Variants in CYP7B1 observed in about 807,000 individuals in gnomAD.
CYP7B1 encodes cytochrome P450 family 7 subfamily B member 1, also known as cytochrome P450 7B1.
CYP7B1 carries 29 observed loss-of-function variants against 42.7 expected under a neutral mutation model. The observed-to-expected ratio is 0.68, with a 90% CI of 0.51 to 0.93. The LOEUF is 0.93. Among genes scored for constraint, CYP7B1 ranks in the 40% least tolerant of loss-of-function variants. CYP7B1 has a pLI of 0.00. For missense variants in CYP7B1, 655 were observed against 600.5 expected (o/e 1.09, Z -0.95); for synonymous variants, 235 against 218.2 (o/e 1.08, Z -0.68).
intron 1 of CYP7B1, among the ~76,000 whole-genome samples, chr8:64,668,461 C>A (rs1233752743): frequency 2.6e-5 from 4 of 152,082 alleles, no homozygotes; most frequent in Middle Eastern, 3.4e-3. Context: ...GTTTAAACTG[C>A]ATTTTTGGTT....
intron 1 of CYP7B1, among the ~76,000 whole-genome samples, chr8:64,793,833 A>G (rs951530893): frequency 6.6e-6 from 1 of 152,156 alleles, no homozygotes; most frequent in African/African-American, 2.4e-5. Context: ...CAAAGAAAAG[A>G]AAAACCATCC....
chr8:64,736,417 C>T (rs1039097382), intron 1 of CYP7B1, among the ~76,000 whole-genome samples: 2 of 152,142 alleles, frequency 1.3e-5, no homozygotes, highest in Non-Finnish European at 2.9e-5. Flanking sequence ...CAAATATCTT[C>T]GCTTTAGTCA....
chr8:64,698,344 AAAACT>A (rs1443302249), intron 1 of CYP7B1, among the ~76,000 whole-genome samples: 1 of 152,098 alleles, frequency 6.6e-6, no homozygotes, highest in African/African-American at 2.4e-5. Context: ...GGGGGGGAAA[AAAACT>A]AAACTACGGA....
intron 1 of CYP7B1, among the ~76,000 whole-genome samples, chr8:64,671,357 C>A (rs1288310641): frequency 6.6e-6 from 1 of 151,866 alleles, no homozygotes; most frequent in African/African-American, 2.4e-5. Context: ...CCTCATATTT[C>A]TCATGTAATC....
At chr8:64,641,632 A>G (rs1356903484) in intron 1 of CYP7B1, among the ~76,000 whole-genome samples, 1 of 152,202 alleles carries the variant, frequency 6.6e-6, no homozygotes, top group African/African-American at 2.4e-5. Flanking sequence ...TTTTAAGGAA[A>G]CATCTGATAC....
At chr8:64,772,040 T>C (rs1233179582) in intron 1 of CYP7B1, among the ~76,000 whole-genome samples, 1 of 152,214 alleles carries the variant, frequency 6.6e-6, no homozygotes, top group Non-Finnish European at 1.5e-5. Flanking sequence ...GTCACTCTCA[T>C]AAGATGACCT....
At chr8:64,718,597 G>T (rs1807191643) in intron 1 of CYP7B1, among the ~76,000 whole-genome samples, 2 of 152,194 alleles carry the variant, frequency 1.3e-5, no homozygotes, top group African/African-American at 2.4e-5. Context: ...TCCTTCTTGG[G>T]TCTATCCCCC....
chr8:64,765,113 T>C (rs1807951870), intron 1 of CYP7B1, among the ~76,000 whole-genome samples: 1 of 152,028 alleles, frequency 6.6e-6, no homozygotes, highest in Non-Finnish European at 1.5e-5. Flanking sequence ...TTAAAGTATT[T>C]GCAGGATGAA....
rs1400933859 is a variant in CYP7B1 at position 64,594,801 on chromosome 8, G to A, written c.*1841C>T. The stretch of plus-strand genomic sequence containing the variant: ...GTAAGTTAGAGATACAAAGTGTGGT[G>A]AGAAAAGATCAAAGGATGTATGTAG... On this transcript the variant is annotated 3_prime_UTR_variant, in exon 6 of 6. Transcript: ENST00000310193. 6.6e-6 allele frequency among the ~76,000 whole-genome samples: 1 copy of A among 152,222 alleles called. No individual in the cohort carries two copies. Among genetic ancestry groups the A allele is most frequent in the African/African-American group, 2.4e-5 (1 of 41,468 alleles).
At chr8:64,719,374 T>C (rs1267191383) in intron 1 of CYP7B1, among the ~76,000 whole-genome samples, 1 of 152,228 alleles carries the variant, frequency 6.6e-6, no homozygotes, top group Non-Finnish European at 1.5e-5. Flanking sequence ...TCATGTATTA[T>C]TAAGTTAATT....
At chr8:64,653,361 A>G (rs985557974) in intron 1 of CYP7B1, among the ~76,000 whole-genome samples, 2 of 152,242 alleles carry the variant, frequency 1.3e-5, no homozygotes, top group South Asian at 4.1e-4. Flanking sequence ...ATCAGAAGCT[A>G]TCAGGAACAC....
chr8:64,772,647 C>T (rs1357325113), intron 1 of CYP7B1, among the ~76,000 whole-genome samples: 3 of 152,124 alleles, frequency 2.0e-5, no homozygotes, highest in African/African-American at 7.2e-5. Context: ...TCTCTGGAAC[C>T]TACTTACAGG....
intron 1 of CYP7B1, among the ~76,000 whole-genome samples, chr8:64,770,311 T>C (rs1804200593): frequency 1.3e-5 from 2 of 152,186 alleles, no homozygotes; most frequent in African/African-American, 4.8e-5. Flanking sequence ...GAATAGATCT[T>C]AGAGTTCCCA....
chr8:64,792,331 T>C (rs1804632285), intron 1 of CYP7B1, among the ~76,000 whole-genome samples: 1 of 152,086 alleles, frequency 6.6e-6, no homozygotes, highest in South Asian at 2.1e-4. Context: ...ATTTGGGAAA[T>C]CGTCCACCTA....
chr8:64,675,759 T>A (rs1001929560), intron 1 of CYP7B1, among the ~76,000 whole-genome samples: 5 of 152,124 alleles, frequency 3.3e-5, no homozygotes, highest in African/African-American at 1.2e-4. Context: ...TCTTAGAGGA[T>A]GCACTTGAAA....
intron 1 of CYP7B1, among the ~76,000 whole-genome samples, chr8:64,748,152 C>T (rs1480494429): frequency 6.6e-6 from 1 of 152,136 alleles, no homozygotes; most frequent in East Asian, 1.9e-4. Context: ...AAGATCAGTT[C>T]ATCCACTATT....
chr8:64,643,475 T>C (rs1198053071), intron 1 of CYP7B1, among the ~76,000 whole-genome samples: 1 of 152,170 alleles, frequency 6.6e-6, no homozygotes, highest in African/African-American at 2.4e-5. Context: ...TCACAGTCTT[T>C]TTGCTAGAGG....
intron 4 of CYP7B1, among the ~76,000 whole-genome samples, chr8:64,614,594 G>A (rs1176069766): frequency 3.3e-5 from 5 of 151,908 alleles, no homozygotes; most frequent in Non-Finnish European, 7.4e-5. Flanking sequence ...CGTCTAACCT[G>A]TGTTTGAAAA....
chr8:64,678,682 T>C (rs1806487874), intron 1 of CYP7B1, among the ~76,000 whole-genome samples: 2 of 152,112 alleles, frequency 1.3e-5, no homozygotes, highest in Admixed American at 6.6e-5. Context: ...GGATGATCCT[T>C]CTATCTGTAG....
Sources: gnomAD v4.1 joint callset for allele counts (sites outside exome capture counted in the v4.1 genomes callset) on GRCh38, gnomAD v4.1.1 for gene constraint, MANE v1.5 for transcripts, NCBI Gene and HGNC (gene_info 2026-07-23, HGNC 2026-07-21) for gene names.